The following EPHA5 variants were observed in gnomAD, a reference collection of about 807,000 sequenced individuals.
The protein encoded by EPHA5 is EPH receptor A5.
EPHA5 carries 60 observed loss-of-function variants against 105.0 expected under a neutral mutation model. That is an observed-to-expected ratio of 0.57 (90% confidence interval 0.46 to 0.71). The LOEUF is 0.71. Ranked by LOEUF, EPHA5 falls within the 30% of genes least tolerant of loss-of-function variation. EPHA5 has a pLI of 0.00. For missense variants in EPHA5, 1,218 were observed against 1,274.7 expected (o/e 0.96, Z 0.68); for synonymous variants, 513 against 449.1 (o/e 1.14, Z -1.80).
In EPHA5 at chr4:65,520,248, G is replaced by C. The variant is rs1237851962; in HGVS notation, c.911-24705C>G. Among the ~76,000 whole-genome samples, 3 of 152,036 alleles carry C rather than the reference G, an allele frequency of 2.0e-5. No individual in the cohort carries two copies. In the East Asian group the frequency reaches 5.8e-4, roughly 29 times the overall value. On this transcript the variant is annotated intron_variant, in intron 3 of 16. Transcript: ENST00000613740. ...ACACATCTACAACCATCTGATCTTTGACAAACCTGACAAAAACAAGCAATG... is the reference window on the plus strand; with the variant it reads ...ACACATCTACAACCATCTGATCTTTCACAAACCTGACAAAAACAAGCAATG...
chr4:65,541,307 C>T (rs903704987), intron 3 of EPHA5, among the ~76,000 whole-genome samples: 5 of 151,678 alleles, frequency 3.3e-5, no homozygotes, highest in African/African-American at 1.2e-4. Context: ...CACAGACTGG[C>T]AAATTGGATA....
intron 1 of EPHA5, among the ~76,000 whole-genome samples, chr4:65,652,342 G>T (rs1418377201): frequency 1.3e-5 from 2 of 152,054 alleles, no homozygotes; most frequent in Non-Finnish European, 2.9e-5. Context: ...TACTTTGAGG[G>T]CCTCAGTCCT....
At chr4:65,659,366 G>C (rs1022519806) in intron 1 of EPHA5, among the ~76,000 whole-genome samples, 3 of 135,096 alleles carry the variant, frequency 2.2e-5, no homozygotes, top group Non-Finnish European at 4.6e-5. Context: ...AAACAGGAAA[G>C]GTAAAGCATA....
rs569962372 is a variant in EPHA5, at chr4:65,472,423, G to T, written c.1402+17954C>A. On this transcript the variant is annotated intron_variant, in intron 5 of 16. Coordinates refer to ENST00000613740, the MANE Select transcript of EPHA5 (RefSeq NM_001281766.3). ...AGTTCCCCAGTGGGGACACTGTGTG[G>T]GTGCTCCGACCCCACATTTCCCTTC... 4.6e-5 allele frequency among the ~76,000 whole-genome samples: 7 copies of T among 152,254 alleles called. No homozygotes were observed. The East Asian group carries it at 1.4e-3, about 29-fold the overall frequency.
intron 3 of EPHA5, among the ~76,000 whole-genome samples, chr4:65,595,584 T>TTG (rs5858970): frequency 7.3e-6 from 1 of 136,346 alleles, no homozygotes; most frequent in Admixed American, 7.8e-5. Context: ...TCACAAGATT[T>TTG]TTTTTTTTTT....
chr4:65,546,677 C>A (rs1737402354), intron 3 of EPHA5, among the ~76,000 whole-genome samples: 1 of 151,932 alleles, frequency 6.6e-6, no homozygotes, highest in South Asian at 2.1e-4. Flanking sequence ...ACATTAAAGT[C>A]ACATTAATAG....
Position 65,411,395 on chromosome 4 carries a change from T to G in EPHA5, c.1687+2889A>C, listed in dbSNP as rs111489124. ...TGTAATATAAATTAGTAAAAATAAA[T>G]TATATAAAAATGCCAAAAAGTGTCA... On this transcript the variant is annotated intron_variant, in intron 7 of 16. Transcript: ENST00000613740. Among the ~76,000 whole-genome samples the G allele has an allele frequency of 1.3e-3, 197 of 152,160 alleles. 1 individual carries two copies. Among genetic ancestry groups the G allele is most frequent in the African/African-American group, 4.5e-3 (186 of 41,548 alleles).
At chr4:65,348,699 AAAT>A (rs1722487943) in intron 13 of EPHA5, among the ~76,000 whole-genome samples, 1 of 21,032 alleles carries the variant, frequency 4.8e-5, no homozygotes, top group African/African-American at 1.4e-4. Context: ...TATATATATA[AAAT>A]ATATATGTGT....
chr4:65,554,449 T>C (rs1738212054), intron 3 of EPHA5, among the ~76,000 whole-genome samples: 1 of 151,232 alleles, frequency 6.6e-6, no homozygotes, highest in African/African-American at 2.4e-5. Context: ...TTTCATTAAA[T>C]GTGAATAATG....
intron 2 of EPHA5, among the ~76,000 whole-genome samples, chr4:65,632,819 T>C (rs1035047199): frequency 6.6e-6 from 1 of 152,046 alleles, no homozygotes; most frequent in Non-Finnish European, 1.5e-5. Flanking sequence ...TTCTGGGTGG[T>C]AATGAGAGGT....
At chr4:65,565,225 T>A (rs1200954755) in intron 3 of EPHA5, among the ~76,000 whole-genome samples, 1 of 151,724 alleles carries the variant, frequency 6.6e-6, no homozygotes, top group African/African-American at 2.4e-5. Context: ...TGGTGACCAA[T>A]TTGCTAATGG....
At chr4:65,565,360 C>T (rs193228673) in intron 3 of EPHA5, among the ~76,000 whole-genome samples, 30 of 151,674 alleles carry the variant, frequency 2.0e-4, no homozygotes, top group Non-Finnish European at 1.5e-4. Context: ...CTTTTTAAGC[C>T]TTCACAAAGT....
intron 3 of EPHA5, among the ~76,000 whole-genome samples, chr4:65,540,156 A>G (rs1306627879): frequency 6.6e-6 from 1 of 151,668 alleles, no homozygotes; most frequent in Non-Finnish European, 1.5e-5. Context: ...TAAACAAACT[A>G]GTAGCAACAA....
chr4:65,532,850 A>G (rs1735949323), intron 3 of EPHA5, among the ~76,000 whole-genome samples: 1 of 152,146 alleles, frequency 6.6e-6, no homozygotes, highest in African/African-American at 2.4e-5. Flanking sequence ...CTTTAAGAGT[A>G]ACATTTTATG....
At chr4:65,488,532 A>T (rs3934684) in intron 5 of EPHA5, among the ~76,000 whole-genome samples, 6,840 of 152,290 alleles carry the variant, frequency 0.045, 206 homozygotes, top group African/African-American at 0.081. Flanking sequence ...CAGTGACAAA[A>T]AGTCAACACA....
At chr4:65,573,303 T>G (rs995767721) in intron 3 of EPHA5, among the ~76,000 whole-genome samples, 2 of 145,408 alleles carry the variant, frequency 1.4e-5, no homozygotes, top group Non-Finnish European at 3.0e-5. Context: ...CCCAGCTACT[T>G]GGGAGGCGGA....
At chr4:65,479,465 T>C (rs1403561274) in intron 5 of EPHA5, among the ~76,000 whole-genome samples, 1 of 152,182 alleles carries the variant, frequency 6.6e-6, no homozygotes, top group East Asian at 1.9e-4. Context: ...TCACATTTCT[T>C]GGTGAAAAAA....
chr4:65,637,957 T>G (rs557924326), intron 2 of EPHA5, among the ~76,000 whole-genome samples: 19 of 152,136 alleles, frequency 1.2e-4, no homozygotes, highest in Non-Finnish European at 2.6e-4. Context: ...GTGCAATGAT[T>G]GTTTTTAACA....
chr4:65,375,437 C>T (rs565975610), intron 8 of EPHA5, among the ~76,000 whole-genome samples: 13 of 151,872 alleles, frequency 8.6e-5, no homozygotes, highest in African/African-American at 3.1e-4. Flanking sequence ...GAATTCTGCC[C>T]TTCTATTTTC....
Sources: gnomAD v4.1 joint callset for allele counts (sites outside exome capture counted in the v4.1 genomes callset) on GRCh38, gnomAD v4.1.1 for gene constraint, MANE v1.5 for transcripts, NCBI Gene and HGNC (gene_info 2026-07-23, HGNC 2026-07-21) for gene names.